The following GLO1 variants were observed in gnomAD, a reference collection of about 807,000 sequenced individuals.
GLO1 encodes glyoxalase I.
In GLO1, 28 loss-of-function variants were observed where a neutral mutation model predicts 26.0. The observed-to-expected ratio is 1.08, with a 90% CI of 0.80 to 1.48. The LOEUF is 1.48. Among genes scored for constraint, GLO1 ranks in the 40% most tolerant of loss-of-function variants. GLO1 has a pLI of 0.00. For missense variants in GLO1, 225 were observed against 224.8 expected (o/e 1.00, Z -0.01); for synonymous variants, 78 against 77.6 (o/e 1.00, Z -0.03).
intron 5 of GLO1, 38 bp downstream of exon 5, chr6:38,681,974 C>T (rs1435241070): frequency 5.8e-6 from 6 of 1,030,098 alleles, no homozygotes; most frequent in Middle Eastern, 2.0e-4. Flanking sequence ...TAAATATCAA[C>T]TAAAGACAGG....
At chr6:38,677,604 C>T (rs544488410) in intron 5 of GLO1, among the ~76,000 whole-genome samples, 2 of 152,044 alleles carry the variant, frequency 1.3e-5, no homozygotes, top group South Asian at 4.2e-4. Context: ...TTTGTAGAGG[C>T]GGGATCTCAA....
chr6:38,689,255 G>A (rs1260252408), intron 1 of GLO1, among the ~76,000 whole-genome samples: 1 of 152,178 alleles, frequency 6.6e-6, no homozygotes. Context: ...GACCCAAGTC[G>A]GACCTCTAGC....
chr6:38,679,126 T>G (rs1247533487), intron 5 of GLO1, among the ~76,000 whole-genome samples: 1 of 151,778 alleles, frequency 6.6e-6, no homozygotes, highest in African/African-American at 2.4e-5. Flanking sequence ...GCTATTTTTG[T>G]TTTTTTTCTG....
At chr6:38,702,870 C>G in intron 1 of GLO1, 101 bp downstream of exon 1, 2 of 681,594 alleles carry the variant, frequency 2.9e-6, no homozygotes, top group Non-Finnish European at 5.1e-6. Context: ...CCGCCCGAGG[C>G]CGGCGGACCT....
At chr6:38,687,058 A>G in intron 1 of GLO1, 84 bp from the exon 2 acceptor site, 1 of 1,523,738 alleles carries the variant, frequency 6.6e-7, no homozygotes, top group East Asian at 2.4e-5. Context: ...ACAAGATACA[A>G]ACACAATTGT....
At chr6:38,682,492 C>CA (rs1761396561) in intron 4 of GLO1, among the ~76,000 whole-genome samples, 1 of 151,800 alleles carries the variant, frequency 6.6e-6, no homozygotes, top group Non-Finnish European at 1.5e-5. Flanking sequence ...GAGATCAAGG[C>CA]AGAAGTGTAT....
intron 1 of GLO1, among the ~76,000 whole-genome samples, chr6:38,694,445 G>A (rs1698987): frequency 0.03 from 4,550 of 152,198 alleles, 208 homozygotes; most frequent in African/African-American, 0.1. Context: ...TTGGGAGGCC[G>A]AGGTGGCTGG....
intron 1 of GLO1, 132 bp downstream of exon 1, chr6:38,702,839 C>T: frequency 1.7e-6 from 1 of 604,358 alleles, no homozygotes; most frequent in South Asian, 1.9e-5. Context: ...ACCATTATCC[C>T]TCTTCCCATC....
intron 1 of GLO1, among the ~76,000 whole-genome samples, chr6:38,689,742 C>T (rs911916370): frequency 7.9e-5 from 12 of 152,074 alleles, no homozygotes; most frequent in African/African-American, 1.9e-4. Context: ...GTCAGGAGCT[C>T]GAGAAACAGA....
At chr6:38,701,682 C>G (rs1372536018) in intron 1 of GLO1, among the ~76,000 whole-genome samples, 1 of 152,060 alleles carries the variant, frequency 6.6e-6, no homozygotes, top group African/African-American at 2.4e-5. Context: ...AACATTTTTC[C>G]TAAGCCAAGT....
intron 1 of GLO1, 65 bp downstream of exon 1, chr6:38,702,906 T>G: frequency 1.1e-6 from 1 of 917,784 alleles, no homozygotes; most frequent in Non-Finnish European, 1.8e-6. Context: ...TGGGGTTGGA[T>G]AGAATGCGGC....
At chr6:38,702,925 G>C (rs112098082) in intron 1 of GLO1, 46 bp downstream of exon 1, 1 of 1,112,354 alleles carries the variant, frequency 9.0e-7, no homozygotes, top group African/African-American at 1.6e-5. Context: ...GCCCGGTCCC[G>C]GCCCAGCGGA....
intron 1 of GLO1, among the ~76,000 whole-genome samples, chr6:38,695,998 C>T (rs1582781643): frequency 6.6e-6 from 1 of 152,178 alleles, no homozygotes; most frequent in Non-Finnish European, 1.5e-5. Flanking sequence ...CTTCTTCTCA[C>T]CACCTTTCAG....
intron 1 of GLO1, among the ~76,000 whole-genome samples, chr6:38,693,679 CTCTCTCTA>C (rs780040917): frequency 0.073 from 6,983 of 96,056 alleles, 217 homozygotes; most frequent in Non-Finnish European, 0.11. Flanking sequence ...CTCTCTCTCT[CTCTCTCTA>C]TATATATATA....
At chr6:38,686,395 A>G (rs969191882) in intron 2 of GLO1, among the ~76,000 whole-genome samples, 11 of 152,222 alleles carry the variant, frequency 7.2e-5, no homozygotes, top group African/African-American at 2.7e-4. Context: ...AAAGCTGGAG[A>G]AAAAAAGAAA....
chr6:38,680,792 G>C (rs570181660), intron 5 of GLO1, among the ~76,000 whole-genome samples: 2 of 152,144 alleles, frequency 1.3e-5, no homozygotes, highest in East Asian at 3.9e-4. Context: ...TTAGGAGGAG[G>C]CTGAGGCAGA....
intron 5 of GLO1, among the ~76,000 whole-genome samples, chr6:38,678,376 G>A (rs12212511): frequency 0.44 from 59,677 of 136,662 alleles, 12,079 homozygotes; most frequent in African/African-American, 0.46. Flanking sequence ...GAGGGAGGGA[G>A]AGAGAGGAAG....
intron 1 of GLO1, among the ~76,000 whole-genome samples, chr6:38,696,197 A>C (rs1761608857): frequency 1.3e-5 from 2 of 151,388 alleles, no homozygotes; most frequent in African/African-American, 4.8e-5. Context: ...GGATGAATCA[A>C]AACTGGTCAA....
At chr6:38,702,037 T>C (rs2127549623) in intron 1 of GLO1, among the ~76,000 whole-genome samples, 1 of 151,840 alleles carries the variant, frequency 6.6e-6, no homozygotes, top group African/African-American at 2.4e-5. Context: ...TTCATGCCAT[T>C]CTCCTGCCTC....
Sources: allele counts gnomAD v4.1 joint callset (sites outside exome capture counted in the v4.1 genomes callset), GRCh38; gene constraint gnomAD v4.1.1; transcripts MANE v1.5; gene names NCBI Gene and HGNC (gene_info 2026-07-23, HGNC 2026-07-21).